The following ADAM8 variants were observed in gnomAD, a reference collection of about 807,000 sequenced individuals.
The protein encoded by ADAM8 is disintegrin and metalloproteinase domain-containing protein 8.
In ADAM8, 104 loss-of-function variants were observed where a neutral mutation model predicts 102.4. The ratio of observed to expected loss-of-function variants is 1.02; its 90% confidence interval spans 0.87 to 1.20. The LOEUF (loss-of-function observed/expected upper bound fraction) is 1.20. Among genes scored for constraint, ADAM8 ranks in the 50% most tolerant of loss-of-function variants. ADAM8 has a pLI of 0.00. For missense variants in ADAM8, 1,132 were observed against 1,159.0 expected (o/e 0.98, Z 0.34); for synonymous variants, 517 against 485.2 (o/e 1.07, Z -0.86).
chr10:133,268,208 C>T (rs1589803476), intron 19 of ADAM8, 90 bp from the exon 20 acceptor site: 1 of 1,143,236 alleles, frequency 8.7e-7, no homozygotes, highest in Non-Finnish European at 1.1e-6. Flanking sequence ...CTCCAGCCGA[C>T]CCGAGAGGCT....
chr10:133,271,180 T>A lies in ADAM8; in HGVS notation c.1374+20A>T. The A allele has an allele frequency of 6.2e-7, 1 of 1,606,566 alleles. No individual in the cohort carries two copies. ...GCCAGCCATGGGCTCTGGGGGTCACTGGTGGGAGGCTGCACTCACCTTGCA... is the reference window on the plus strand; with the variant it reads ...GCCAGCCATGGGCTCTGGGGGTCACAGGTGGGAGGCTGCACTCACCTTGCA... On this transcript the variant is annotated intron_variant, in intron 13 of 22. Transcript: ENST00000445355.
Position 133,269,904 on chromosome 10 carries a change from T to C in ADAM8, c.1856A>G (p.Asn619Ser), listed in dbSNP as rs757149982. 2 of 1,612,722 alleles carry C rather than the reference T, an allele frequency of 1.2e-6. No homozygotes were observed. The highest frequency in any genetic ancestry group is 1.1e-5 in the South Asian group (1 of 91,086). ...CCGAGAGGCCACACATACCCCATGG[T>C]TGTGGCACTGGGCAGAGCAGTTGCT... ...RSSNCSAQCH[N>S]HGVCNHKQEC... The change falls in exon 17 of 23, where the codon AAC (asparagine) becomes AGC (serine). Residue 619 changes from asparagine (N) to serine (S), a missense_variant. Coordinates refer to ENST00000445355, the MANE Select transcript of ADAM8 (RefSeq NM_001109.5).
chr10:133,274,784 C>G (rs1846685431), intron 2 of ADAM8: 1 of 387,126 alleles, frequency 2.6e-6, no homozygotes, highest in Middle Eastern at 5.8e-4. Context: ...TCCCTTCCAG[C>G]AGCTGCCGGA....
Position 133,273,235 on chromosome 10 carries a change from A to G in ADAM8, c.573+19T>C, listed in dbSNP as rs759031561. ...GACACCGGCAGGGCCAGCCAAACAC[A>G]GGAGACAAGGGTGCTCACCCCGGGC... On this transcript the variant is annotated intron_variant, in intron 6 of 22. Transcript: ENST00000445355. The G allele has an allele frequency of 2.5e-6, 4 of 1,597,950 alleles. No individual in the cohort carries two copies. Among genetic ancestry groups the G allele is most frequent in the African/African-American group, 2.7e-5 (2 of 74,666 alleles).
chr10:133,263,084 C>T lies in ADAM8; in HGVS notation c.*72G>A. On this transcript the variant is annotated 3_prime_UTR_variant, in exon 23 of 23. Transcript: ENST00000445355. The stretch of plus-strand genomic sequence containing the variant: ...CTAGGGCTGAGCGGCACTAGCTGGA[C>T]CGTGGAATGCTGGAACGCATGGCTT... 1 of 1,560,418 alleles carries T rather than the reference C, an allele frequency of 6.4e-7. No individual in the cohort carries two copies.
chr10:133,275,512 CG>C lies in ADAM8; in HGVS notation c.121del (p.Arg41GlufsTer17). The stretch of plus-strand genomic sequence containing the variant: ...GTGGGAGGGCAGAGCTCGGCGGACT[CG>C]GGGGCCTGGCAGACGCCACGGCAAC... ...VVLPWRLPGPRVRRALPSHLG... is the reference protein window; with the variant it reads ...VVLPWRLPGPXVRRALPSHLG... On this transcript the variant is annotated frameshift_variant, in exon 2 of 23. Coordinates refer to ENST00000445355, the MANE Select transcript of ADAM8 (RefSeq NM_001109.5). LOFTEE classifies it high-confidence loss of function. 2.6e-6 allele frequency: 4 copies of C among 1,529,036 alleles called. No individual in the cohort carries two copies. Among genetic ancestry groups the C allele is most frequent in the Admixed American group, 4.2e-5 (2 of 47,222 alleles). The allele number at this position is 1,529,036 out of a possible 1,614,324, so 94.7% of individuals were successfully genotyped here.
Position 133,263,075 on chromosome 10 carries a change from C to A in ADAM8, c.*81G>T, listed in dbSNP as rs748546654. On this transcript the variant is annotated 3_prime_UTR_variant, in exon 23 of 23. Transcript: ENST00000445355. ...AGTCAGGGTCTAGGGCTGAGCGGCA[C>A]TAGCTGGACCGTGGAATGCTGGAAC... 2.4e-5 allele frequency: 36 copies of A among 1,531,820 alleles called. No homozygotes were observed. The highest frequency in any genetic ancestry group is 2.7e-5 in the Non-Finnish European group (30 of 1,105,170). 94.9% of individuals were successfully genotyped at this position (1,531,820 alleles called of 1,614,324 possible).
chr10:133,265,946 T>C (rs1564919428), intron 21 of ADAM8, among the ~76,000 whole-genome samples: 1 of 152,122 alleles, frequency 6.6e-6, no homozygotes, highest in Non-Finnish European at 1.5e-5. Flanking sequence ...CTGCTCACTA[T>C]AAAAAGAAGA....
intron 17 of ADAM8, 129 bp from the exon 18 acceptor site, chr10:133,269,658 G>T: frequency 1.9e-6 from 2 of 1,057,844 alleles, no homozygotes; most frequent in Non-Finnish European, 1.3e-6. Context: ...GCCCACATGC[G>T]CCGACGGCGA....
chr10:133,276,661 G>C, intron 1 of ADAM8, 111 bp downstream of exon 1: 1 of 1,423,276 alleles, frequency 7.0e-7, no homozygotes, highest in Non-Finnish European at 9.2e-7. Context: ...CCGAAGCCGG[G>C]CCAGGGTGCG....
rs2136078035 is a variant in ADAM8, at chr10:133,268,131, C to T, written c.2064-13G>A. On this transcript the variant is annotated splice_polypyrimidine_tract_variant and intron_variant, in intron 19 of 22. Transcript: ENST00000445355. ...GGGAGCCACGTTCCTGGGGAGGAAG[C>T]ACAGGGCGCATGGTCAGTGTCCGGC... is the stretch of plus-strand genomic sequence containing the variant. 7.9e-7 allele frequency: 1 copy of T among 1,259,308 alleles called. No homozygotes were observed. The highest frequency in any genetic ancestry group is 3.9e-5 in the Admixed American group (1 of 25,358). 78.0% of individuals were successfully genotyped at this position (1,259,308 alleles called of 1,614,324 possible). A position where few individuals can be genotyped will look rare whatever the true frequency, so the allele number is the denominator to read the frequency against.
Position 133,262,829 on chromosome 10 carries a change from G to A in ADAM8, c.*327C>T, listed in dbSNP as rs532626774. ...GGGGCAGGTGTGGCTGGGAGGGGCT[G>A]TATATGTGGCCTCCTGAACACAGCG... On this transcript the variant is annotated 3_prime_UTR_variant, in exon 23 of 23. Coordinates refer to ENST00000445355, the MANE Select transcript of ADAM8 (RefSeq NM_001109.5). The A allele has an allele frequency of 3.8e-5, 13 of 339,452 alleles. No homozygotes were observed. Among genetic ancestry groups the A allele is most frequent in the African/African-American group, 2.1e-4 (10 of 46,844 alleles). 21.0% of individuals were successfully genotyped at this position (339,452 alleles called of 1,614,324 possible).
chr10:133,265,637 A>T (rs1846303228), intron 21 of ADAM8, among the ~76,000 whole-genome samples: 1 of 152,212 alleles, frequency 6.6e-6, no homozygotes, highest in South Asian at 2.1e-4. Flanking sequence ...TGAAAAAAAA[A>T]ATACAAAAAT....
In ADAM8 at chr10:133,273,406, C is replaced by G. The variant is rs748784883; in HGVS notation, c.421G>C (p.Glu141Gln). Reference protein sequence around the residue: ...FQVGSDLHLIEPLDEGGEGGR... With the variant: ...FQVGSDLHLIQPLDEGGEGGR... Reference sequence around the variant, plus strand: ...CCCTCGCCACCTTCATCCAGGGGCTCGATCAGGTGCAGGTCTGACCCCACC... The same window carrying G: ...CCCTCGCCACCTTCATCCAGGGGCTGGATCAGGTGCAGGTCTGACCCCACC... Residue 141 changes from glutamate (E) to glutamine (Q), a missense_variant, in exon 6 of 23, where the codon GAG (glutamate) becomes CAG (glutamine). Transcript: ENST00000445355. 3 of 1,548,626 alleles carry G rather than the reference C, an allele frequency of 1.9e-6. No individual in the cohort carries two copies. Among genetic ancestry groups the G allele is most frequent in the South Asian group, 2.4e-5 (2 of 84,040 alleles).
chr10:133,272,873 A>T lies in ADAM8; in HGVS notation c.637-7T>A, dbSNP rs751025723. On this transcript the variant is annotated splice_region_variant and splice_polypyrimidine_tract_variant and intron_variant, in intron 7 of 22. Coordinates refer to ENST00000445355, the MANE Select transcript of ADAM8 (RefSeq NM_001109.5). ...CGCTCCCCAGCATCTGGAACTGGGG[A>T]CACGAGACCCTCAGGCTGGAGCCCA... 3 of 1,610,990 alleles carry T rather than the reference A, an allele frequency of 1.9e-6. No individual in the cohort carries two copies. The Admixed American group carries it at 5.0e-5, about 27-fold the overall frequency.
intron 21 of ADAM8, among the ~76,000 whole-genome samples, chr10:133,266,768 C>T (rs575501923): frequency 7.2e-5 from 11 of 152,142 alleles, no homozygotes; most frequent in East Asian, 3.9e-4. Flanking sequence ...ACTGCCAGAG[C>T]GGTTTCCCAG....
intron 7 of ADAM8, 34 bp downstream of exon 7, chr10:133,272,923 G>C: frequency 6.2e-7 from 1 of 1,611,580 alleles, no homozygotes. Context: ...CCCCGCCGCC[G>C]GCTGCTCTCC....
intron 22 of ADAM8, 95 bp downstream of exon 22, chr10:133,263,592 AC>A: frequency 3.4e-5 from 2 of 59,454 alleles, no homozygotes; most frequent in Non-Finnish European, 5.1e-5. Context: ...TCAGAAAAAA[AC>A]CCCACCCTCC....
chr10:133,269,454 C>A lies in ADAM8; in HGVS notation c.1939G>T (p.Val647Leu). 6.3e-7 allele frequency: 1 copy of A among 1,596,728 alleles called. No homozygotes were observed. Among genetic ancestry groups the A allele is most frequent in the Non-Finnish European group, 8.5e-7 (1 of 1,176,182 alleles). Residue 647 changes from valine (V) to leucine (L), a missense_variant, in exon 18 of 23, where the codon GTG becomes TTG. Transcript: ENST00000445355. ...PPHCAKLLTE[V>L]HAASGSLPVF... ...GGCCAGGGAGGCCTACCTGCGTGCA[C>A]CTCAGTCAGCAGCTTCGCGCAGTGG...
Sources: gnomAD v4.1 joint callset for allele counts (sites outside exome capture counted in the v4.1 genomes callset) on GRCh38, gnomAD v4.1.1 for gene constraint, MANE v1.5 for transcripts, NCBI Gene and HGNC (gene_info 2026-07-23, HGNC 2026-07-21) for gene names.